Variants in SGIP1 observed in about 807,000 individuals in gnomAD.
The protein encoded by SGIP1 is SH3-containing GRB2-like protein 3-interacting protein 1.
A neutral mutation model predicts 107.5 loss-of-function variants in SGIP1; 38 were observed. The ratio of observed to expected loss-of-function variants is 0.35; its 90% CI spans 0.27 to 0.46. SGIP1 has a LOEUF of 0.46. Among genes scored for constraint, SGIP1 ranks in the 20% least tolerant of loss-of-function variants. The probability of loss-of-function intolerance (pLI) is 1.00; values close to 1 mark genes in which losing one functional copy is unlikely to be tolerated. For synonymous variants in SGIP1, 365 were observed against 366.1 expected, an observed-to-expected ratio of 1.00 and a Z score of 0.03; for missense variants, 929 against 1,019.5, an observed-to-expected ratio of 0.91 and a Z score of 1.21.
chr1:66,673,243 C>T lies in SGIP1; in HGVS notation c.561-38C>T, dbSNP rs1358557270. 3.8e-6 allele frequency: 6 copies of T among 1,589,940 alleles called. No individual in the cohort carries two copies. The East Asian group carries it at 1.1e-4, about 30-fold the overall frequency. ...ATCTTTTTGAGTATTAATTTTTGAG[C>T]CCTTTCCCTGTATTTTGCCTTAATG... is the stretch of plus-strand genomic sequence containing the variant. On this transcript the variant is annotated intron_variant, in intron 11 of 24. Coordinates refer to ENST00000371037, the MANE Select transcript of SGIP1 (RefSeq NM_032291.4).
At chr1:66,539,574 A>G (rs2054406262) in intron 1 of SGIP1, among the ~76,000 whole-genome samples, 1 of 152,210 alleles carries the variant, frequency 6.6e-6, no homozygotes. Flanking sequence ...TAAAATCCAT[A>G]GGCTACAAGA....
chr1:66,644,159 C>G (rs537492366), intron 7 of SGIP1: 3 of 152,230 alleles, frequency 2.0e-5, no homozygotes, highest in African/African-American at 7.2e-5. Flanking sequence ...TTTTGTATTG[C>G]TATGCTCTAA....
intron 7 of SGIP1, among the ~76,000 whole-genome samples, chr1:66,655,973 C>T (rs550034935): frequency 1.3e-5 from 2 of 152,166 alleles, no homozygotes; most frequent in South Asian, 4.2e-4. Context: ...TTTGTTATAA[C>T]ATTTAATGCA....
intron 1 of SGIP1, among the ~76,000 whole-genome samples, chr1:66,575,176 T>C (rs890868866): frequency 7.9e-5 from 12 of 152,180 alleles, no homozygotes; most frequent in African/African-American, 2.9e-4. Flanking sequence ...ATATATGTGT[T>C]CATGGAGATA....
At chr1:66,626,368 AT>A (rs2072773607) in intron 2 of SGIP1, among the ~76,000 whole-genome samples, 1 of 152,066 alleles carries the variant, frequency 6.6e-6, no homozygotes, top group South Asian at 2.1e-4. Context: ...AGATGCCAAG[AT>A]TTTGTACAAG....
At chr1:66,595,338 A>T (rs1406748268) in intron 1 of SGIP1, among the ~76,000 whole-genome samples, 1 of 152,030 alleles carries the variant, frequency 6.6e-6, no homozygotes, top group East Asian at 1.9e-4. Flanking sequence ...TCTTCTCATC[A>T]CTGACCTCCA....
At chr1:66,575,835 C>G (rs903471028) in intron 1 of SGIP1, among the ~76,000 whole-genome samples, 2 of 152,066 alleles carry the variant, frequency 1.3e-5, no homozygotes, top group Non-Finnish European at 2.9e-5. Flanking sequence ...TAGAAACCAC[C>G]TGTCATTTGA....
chr1:66,561,760 A>G (rs2058980881), intron 1 of SGIP1, among the ~76,000 whole-genome samples: 1 of 152,074 alleles, frequency 6.6e-6, no homozygotes, highest in African/African-American at 2.4e-5. Flanking sequence ...ATAGTCTTCA[A>G]CTGACATTGT....
At chr1:66,575,323 A>G (rs2060912429) in intron 1 of SGIP1, among the ~76,000 whole-genome samples, 2 of 152,210 alleles carry the variant, frequency 1.3e-5, no homozygotes, top group African/African-American at 4.8e-5. Flanking sequence ...AATAATGTGC[A>G]TCTACAAGAC....
intron 18 of SGIP1, among the ~76,000 whole-genome samples, chr1:66,705,116 T>C (rs2092371561): frequency 6.6e-6 from 1 of 152,312 alleles, no homozygotes; most frequent in African/African-American, 2.4e-5. Flanking sequence ...TATTCTGCAC[T>C]GTGTGTGTAA....
intron 1 of SGIP1, among the ~76,000 whole-genome samples, chr1:66,594,641 A>C (rs1457900569): frequency 1.3e-5 from 2 of 152,142 alleles, no homozygotes; most frequent in African/African-American, 4.8e-5. Context: ...TTGCATATAA[A>C]GATTTGAATA....
intron 1 of SGIP1, among the ~76,000 whole-genome samples, chr1:66,538,196 A>T (rs2054083451): frequency 6.6e-6 from 1 of 152,144 alleles, no homozygotes; most frequent in Non-Finnish European, 1.5e-5. Flanking sequence ...AACATTTGGA[A>T]AATTCTTTGG....
intron 19 of SGIP1, among the ~76,000 whole-genome samples, chr1:66,723,082 C>G (rs1407591137): frequency 6.6e-6 from 1 of 152,180 alleles, no homozygotes; most frequent in Non-Finnish European, 1.5e-5. Flanking sequence ...AAATGACACT[C>G]ATATATTTAA....
At chr1:66,558,330 A>C (rs1322125354) in intron 1 of SGIP1, among the ~76,000 whole-genome samples, 2 of 151,812 alleles carry the variant, frequency 1.3e-5, no homozygotes, top group Non-Finnish European at 2.9e-5. Context: ...ATTTGTAATA[A>C]TTTTTGACAA....
chr1:66,549,400 C>G (rs1433316458), intron 1 of SGIP1, among the ~76,000 whole-genome samples: 5 of 152,024 alleles, frequency 3.3e-5, no homozygotes, highest in African/African-American at 1.2e-4. Context: ...TAAAATAACA[C>G]AGATAACTAA....
intron 3 of SGIP1, chr1:66,634,213 C>T: frequency 7.1e-7 from 1 of 1,418,042 alleles, no homozygotes; most frequent in Non-Finnish European, 9.8e-7. Flanking sequence ...GGTCCCCTCC[C>T]TGGGTTCTCT....
chr1:66,592,897 C>CTTTTTTTTTT (rs35762612), intron 1 of SGIP1, among the ~76,000 whole-genome samples: 55 of 56,348 alleles, frequency 9.8e-4, no homozygotes, highest in African/African-American at 1.3e-3. Context: ...TCTTCTTCTT[C>CTTTTTTTTTT]TTTTTTTTTT....
intron 1 of SGIP1, among the ~76,000 whole-genome samples, chr1:66,621,192 C>T (rs2071002606): frequency 6.6e-6 from 1 of 152,200 alleles, no homozygotes; most frequent in African/African-American, 2.4e-5. Context: ...TGTAAATTCT[C>T]ATGGAAATAT....
intron 15 of SGIP1, among the ~76,000 whole-genome samples, chr1:66,685,862 A>G (rs990600424): frequency 6.6e-6 from 1 of 152,226 alleles, no homozygotes; most frequent in African/African-American, 2.4e-5. Context: ...CATTGCAGAC[A>G]GCTCTATTAG....
Sources: allele counts gnomAD v4.1 joint callset (sites outside exome capture counted in the v4.1 genomes callset), GRCh38; gene constraint gnomAD v4.1.1; transcripts MANE v1.5; gene names NCBI Gene and HGNC (gene_info 2026-07-23, HGNC 2026-07-21).